AK5: variants seen among roughly 807,000 people sequenced by gnomAD.
The protein encoded by AK5 is adenylate kinase isoenzyme 5.
AK5 carries 27 observed loss-of-function variants against 69.5 expected under a neutral mutation model. That is an observed-to-expected ratio of 0.39 (90% CI 0.29 to 0.54). The LOEUF (loss-of-function observed/expected upper bound fraction) is 0.54, where lower values mean the gene tolerates loss of function less well. AK5 is among the 20% of genes least tolerant of loss of function. The pLI, the probability that AK5 is intolerant of heterozygous loss-of-function variation, is 0.71. For missense variants in AK5, 531 were observed against 700.4 expected (o/e 0.76, Z 2.73); for synonymous variants, 260 against 244.4 (o/e 1.06, Z -0.60).
At chr1:77,462,424 C>T (rs1036215987) in intron 8 of AK5, among the ~76,000 whole-genome samples, 1 of 151,962 alleles carries the variant, frequency 6.6e-6, no homozygotes, top group Non-Finnish European at 1.5e-5. Context: ...TTGAGCAATA[C>T]ATATTCATTT....
rs752195023 is a variant in AK5 at position 77,518,735 on chromosome 1, A to G, written c.1311+8A>G. The G allele has an allele frequency of 6.2e-7, 1 of 1,613,660 alleles. No individual in the cohort carries two copies. Among genetic ancestry groups the G allele is most frequent in the Non-Finnish European group, 8.5e-7 (1 of 1,179,660 alleles). ...GGAGACCTGGTGCCCTCAGTAAGCA[A>G]CATGGCCTGACCCACATTACTGCCT... On this transcript the variant is annotated splice_region_variant and intron_variant, in intron 11 of 13. Coordinates refer to ENST00000354567, the MANE Select transcript of AK5 (RefSeq NM_174858.3).
At chr1:77,488,469 C>T (rs911156324) in intron 10 of AK5, among the ~76,000 whole-genome samples, 1 of 152,158 alleles carries the variant, frequency 6.6e-6, no homozygotes, top group Non-Finnish European at 1.5e-5. Flanking sequence ...ACCCTTTAAA[C>T]TTGACAGCTA....
At chr1:77,368,260 AT>A (rs1647048112) in intron 6 of AK5, among the ~76,000 whole-genome samples, 1 of 105,604 alleles carries the variant, frequency 9.5e-6, no homozygotes, top group African/African-American at 3.3e-5. Context: ...TATAATATAT[AT>A]GTTATATATA....
At chr1:77,339,349 G>C (rs547979032) in intron 5 of AK5, among the ~76,000 whole-genome samples, 2 of 152,202 alleles carry the variant, frequency 1.3e-5, no homozygotes, top group Non-Finnish European at 2.9e-5. Context: ...GTCGTGCTAT[G>C]TTTTAAATGC....
At chr1:77,366,077 A>G (rs1646945246) in intron 6 of AK5, among the ~76,000 whole-genome samples, 1 of 152,210 alleles carries the variant, frequency 6.6e-6, no homozygotes, top group Non-Finnish European at 1.5e-5. Flanking sequence ...ACTGGAAAAA[A>G]TGTAATGGAA....
At chr1:77,502,974 A>C (rs1487239707) in intron 10 of AK5, among the ~76,000 whole-genome samples, 1 of 152,172 alleles carries the variant, frequency 6.6e-6, no homozygotes, top group Non-Finnish European at 1.5e-5. Context: ...GGCTGCATCC[A>C]CTTGGTCTCC....
At chr1:77,336,231 G>A (rs1470553744) in intron 5 of AK5, among the ~76,000 whole-genome samples, 1 of 151,864 alleles carries the variant, frequency 6.6e-6, no homozygotes, top group Non-Finnish European at 1.5e-5. Context: ...ACAGGCATGC[G>A]CCACCACGCC....
chr1:77,408,203 A>G (rs1649786318), intron 6 of AK5, among the ~76,000 whole-genome samples: 1 of 152,190 alleles, frequency 6.6e-6, no homozygotes, highest in Non-Finnish European at 1.5e-5. Context: ...TCTTTGAGAA[A>G]TCTCCAAACT....
chr1:77,370,131 G>T (rs897348319), intron 6 of AK5, among the ~76,000 whole-genome samples: 1 of 152,166 alleles, frequency 6.6e-6, no homozygotes, highest in African/African-American at 2.4e-5. Context: ...GTGAGCCTGG[G>T]AGTAGAGACT....
At chr1:77,545,236 G>A (rs1012647347) in intron 13 of AK5, among the ~76,000 whole-genome samples, 1 of 151,740 alleles carries the variant, frequency 6.6e-6, no homozygotes, top group East Asian at 1.9e-4. Context: ...TCCTCCTTCT[G>A]TTCTCTTTCT....
At chr1:77,468,886 C>T (rs1009051308) in intron 8 of AK5, among the ~76,000 whole-genome samples, 3 of 152,180 alleles carry the variant, frequency 2.0e-5, no homozygotes, top group African/African-American at 4.8e-5. Flanking sequence ...GAGTTCAACA[C>T]GTTTCCAGGA....
chr1:77,483,884 G>T (rs114826011), intron 9 of AK5, among the ~76,000 whole-genome samples: 2,717 of 152,254 alleles, frequency 0.018, 84 homozygotes, highest in African/African-American at 0.062. Flanking sequence ...TTTGCAAATG[G>T]CCAGGTGCAG....
At chr1:77,553,934 T>C (rs993874291) in intron 13 of AK5, among the ~76,000 whole-genome samples, 1 of 152,180 alleles carries the variant, frequency 6.6e-6, no homozygotes, top group Non-Finnish European at 1.5e-5. Context: ...CAAGGCATGT[T>C]TGGAACATTC....
intron 13 of AK5, chr1:77,540,546 G>T (rs1318027310): frequency 6.6e-6 from 1 of 152,226 alleles, no homozygotes; most frequent in Non-Finnish European, 1.5e-5. Context: ...ACCTTAGTGA[G>T]ATAATTTATT....
At chr1:77,556,179 C>A (rs1660094223) in intron 13 of AK5, among the ~76,000 whole-genome samples, 1 of 152,156 alleles carries the variant, frequency 6.6e-6, no homozygotes, top group Admixed American at 6.5e-5. Context: ...ACTCATGTAA[C>A]CACCATGCAG....
intron 5 of AK5, chr1:77,314,839 T>C (rs1452051341): frequency 6.6e-6 from 1 of 152,106 alleles, no homozygotes; most frequent in African/African-American, 2.4e-5. Flanking sequence ...GTCCATAGTA[T>C]TCCAGATTAT....
intron 8 of AK5, among the ~76,000 whole-genome samples, chr1:77,442,557 G>A (rs1557596660): frequency 6.6e-6 from 1 of 152,158 alleles, no homozygotes; most frequent in Non-Finnish European, 1.5e-5. Flanking sequence ...TAGGGTGGTG[G>A]AAGTCAGGTG....
chr1:77,291,142 T>G (rs891735843), intron 2 of AK5, among the ~76,000 whole-genome samples: 1 of 152,174 alleles, frequency 6.6e-6, no homozygotes, highest in Non-Finnish European at 1.5e-5. Context: ...TGGTCAGGAA[T>G]GAGAGAAGTC....
At chr1:77,356,924 T>A (rs1019235073) in intron 6 of AK5, among the ~76,000 whole-genome samples, 1 of 152,190 alleles carries the variant, frequency 6.6e-6, no homozygotes, top group South Asian at 2.1e-4. Context: ...TCAGAAGAAG[T>A]GTTGCCAAGC....
Sources: allele counts gnomAD v4.1 joint callset (sites outside exome capture counted in the v4.1 genomes callset), GRCh38; gene constraint gnomAD v4.1.1; transcripts MANE v1.5; gene names NCBI Gene and HGNC (gene_info 2026-07-23, HGNC 2026-07-21).